VWA3B: variants seen among roughly 807,000 people sequenced by gnomAD.
VWA3B encodes the protein von Willebrand factor A domain containing 3B, also known as von Willebrand factor A domain-containing protein 3B.
A neutral mutation model predicts 158.3 loss-of-function variants in VWA3B; 138 were observed. That is an observed-to-expected ratio of 0.87 (90% CI 0.76 to 1.00). VWA3B has a LOEUF of 1.00. VWA3B is among the 50% of genes least tolerant of loss of function. The probability of loss-of-function intolerance (pLI) is 0.00; values close to 1 mark genes in which losing one functional copy is unlikely to be tolerated. For synonymous variants in VWA3B, 596 were observed against 587.3 expected, an observed-to-expected ratio of 1.01 and a Z score of -0.21; for missense variants, 1,555 against 1,565.1, an observed-to-expected ratio of 0.99 and a Z score of 0.11.
chr2:98,235,428 CTTT>C (rs769181243), intron 17 of VWA3B, among the ~76,000 whole-genome samples: 1 of 142,436 alleles, frequency 7.0e-6, no homozygotes, highest in African/African-American at 2.6e-5. Flanking sequence ...CTTTTCCTCA[CTTT>C]TTTTTTTTTT....
At chr2:98,241,548 C>T (rs1005347536) in intron 19 of VWA3B, among the ~76,000 whole-genome samples, 6 of 151,678 alleles carry the variant, frequency 4.0e-5, no homozygotes, top group Admixed American at 2.0e-4. Context: ...GTCAAGTCAA[C>T]GATGTGGGGC....
chr2:98,180,268 C>T (rs1181114327), intron 8 of VWA3B, among the ~76,000 whole-genome samples: 1 of 152,050 alleles, frequency 6.6e-6, no homozygotes, highest in Non-Finnish European at 1.5e-5. Context: ...ATTCTCGGCT[C>T]ACCGCAACCT....
chr2:98,207,369 C>A (rs1683111022), intron 12 of VWA3B: 2 of 484,716 alleles, frequency 4.1e-6, no homozygotes, highest in South Asian at 1.6e-5. Context: ...TCATGGATCC[C>A]AACATTGTTG....
At position 98,162,981 on chromosome 2, in the gene VWA3B, G is replaced by A; in HGVS notation, c.1114+5G>A. The A allele has an allele frequency of 6.2e-7, 1 of 1,613,880 alleles. No homozygotes were observed. The highest frequency in any genetic ancestry group is 8.5e-7 in the Non-Finnish European group (1 of 1,179,916). ...ACGTGGCCACTGTGGACTGCGGTTG[G>A]TGCTATTTCTGGTCACTGGTGTAAA... On this transcript the variant is annotated splice_donor_5th_base_variant and intron_variant, in intron 8 of 27. Transcript: ENST00000477737.
chr2:98,155,758 G>A (rs568237151), intron 7 of VWA3B, among the ~76,000 whole-genome samples: 21 of 152,284 alleles, frequency 1.4e-4, no homozygotes, highest in South Asian at 6.2e-4. Context: ...AATGGGTGTT[G>A]GAAGATGGTG....
At chr2:98,286,078 T>C (rs1001156507) in intron 22 of VWA3B, among the ~76,000 whole-genome samples, 3 of 152,066 alleles carry the variant, frequency 2.0e-5, no homozygotes, top group Non-Finnish European at 4.4e-5. Flanking sequence ...AGAGTGCTCA[T>C]TGCTAATACA....
intron 10 of VWA3B, 55 bp downstream of exon 10, chr2:98,188,184 T>A: frequency 6.4e-7 from 1 of 1,560,470 alleles, no homozygotes; most frequent in Non-Finnish European, 8.7e-7. Flanking sequence ...GACATTCTCA[T>A]CTGCTTGATC....
intron 6 of VWA3B, 78 bp downstream of exon 6, chr2:98,128,486 T>G: frequency 7.3e-6 from 11 of 1,496,968 alleles, no homozygotes; most frequent in Non-Finnish European, 1.0e-5. Context: ...TCTTGCATTC[T>G]TCGTGGCTTT....
intron 19 of VWA3B, among the ~76,000 whole-genome samples, chr2:98,239,773 G>A (rs1247919804): frequency 6.6e-6 from 1 of 151,432 alleles, no homozygotes; most frequent in Non-Finnish European, 1.5e-5. Context: ...AATTAGCCAG[G>A]TGTGGTGGCG....
rs1211304154 is a variant in VWA3B, at chr2:98,125,644, T to G, written c.703-2595T>G. Among the ~76,000 whole-genome samples the G allele has an allele frequency of 6.6e-6, 1 of 152,154 alleles. No homozygotes were observed. Among genetic ancestry groups the G allele is most frequent in the East Asian group, 1.9e-4 (1 of 5,198 alleles). On this transcript the variant is annotated intron_variant, in intron 5 of 27. Coordinates refer to ENST00000477737, the MANE Select transcript of VWA3B (RefSeq NM_144992.5). The surrounding 1 kb of genome is among the most constrained non-coding windows in gnomAD (Gnocchi z 4.1). ...TGGCAGACAGGAATAGGTAGCATAT[T>G]TATCCTCCTTTCTGTTTTTCTTTTC...
At chr2:98,298,420 T>C (rs1006445517) in intron 24 of VWA3B, among the ~76,000 whole-genome samples, 1 of 151,174 alleles carries the variant, frequency 6.6e-6, no homozygotes, top group Non-Finnish European at 1.5e-5. Flanking sequence ...TTCTATTCTA[T>C]TCTATTCTAT....
At chr2:98,137,466 A>G (rs1023875370) in intron 7 of VWA3B, among the ~76,000 whole-genome samples, 3 of 152,356 alleles carry the variant, frequency 2.0e-5, no homozygotes, top group Admixed American at 2.0e-4. Context: ...AGTTAATGCC[A>G]CAAAAATCCA....
intron 21 of VWA3B, among the ~76,000 whole-genome samples, chr2:98,266,073 C>T (rs1261111261): frequency 6.7e-6 from 1 of 149,992 alleles, no homozygotes; most frequent in Non-Finnish European, 1.5e-5. Context: ...TCAATTTTTT[C>T]TTTTGTTGCC....
intron 22 of VWA3B, among the ~76,000 whole-genome samples, chr2:98,279,622 G>T (rs1337400116): frequency 6.6e-6 from 1 of 152,182 alleles, no homozygotes; most frequent in Non-Finnish European, 1.5e-5. Context: ...GCAGTCCGTG[G>T]GATATTGCAG....
Position 98,121,458 on chromosome 2 carries a change from T to A in VWA3B, c.702T>A (p.Thr234=). 6.2e-7 allele frequency: 1 copy of A among 1,612,886 alleles called. No individual in the cohort carries two copies. Among genetic ancestry groups the A allele is most frequent in the Non-Finnish European group, 8.5e-7 (1 of 1,179,338 alleles). Residue 234 remains threonine (T), a splice_region_variant and synonymous_variant, in exon 5 of 28, where the codon ACT becomes ACA. Transcript: ENST00000477737. The part of the protein sequence containing the change: ...DALLEAGRDK[T]IESIYYFVVG... ...TGCTGGAAGCCGGGAGAGACAAGAC[T>A]GTAAGTGCGTGTTCATGGCTGGCCC...
intron 9 of VWA3B, among the ~76,000 whole-genome samples, chr2:98,184,230 G>A (rs1330612338): frequency 7.2e-5 from 11 of 152,186 alleles, no homozygotes; most frequent in Admixed American, 7.2e-4. Context: ...AGGCACACTC[G>A]GGAAATGCCC....
At chr2:98,247,870 T>A (rs1193888390) in intron 19 of VWA3B, among the ~76,000 whole-genome samples, 1 of 152,120 alleles carries the variant, frequency 6.6e-6, no homozygotes, top group Non-Finnish European at 1.5e-5. Context: ...TCTAACCATC[T>A]TTCTATTCTA....
chr2:98,118,489 G>T (rs1281932928), intron 3 of VWA3B, among the ~76,000 whole-genome samples: 2 of 152,124 alleles, frequency 1.3e-5, no homozygotes, highest in South Asian at 2.1e-4. Context: ...GAAGGTGACC[G>T]CATCCACCTT....
In VWA3B at chr2:98,152,821, C is replaced by T. The variant is rs977939889; in HGVS notation, c.989-10030C>T. Among the ~76,000 whole-genome samples, 5 of 152,144 alleles carry T rather than the reference C, an allele frequency of 3.3e-5. No individual in the cohort carries two copies. In the South Asian group the frequency reaches 6.2e-4, roughly 19 times the overall value. Reference sequence around the variant, plus strand: ...CTCAGACTTGGTGGTGGGATGAGCACCCAGGCTGAAAGCCATGGTCAGAAC... The same window carrying T: ...CTCAGACTTGGTGGTGGGATGAGCATCCAGGCTGAAAGCCATGGTCAGAAC... On this transcript the variant is annotated intron_variant, in intron 7 of 27. Transcript: ENST00000477737.
Sources: allele counts gnomAD v4.1 joint callset (sites outside exome capture counted in the v4.1 genomes callset), GRCh38; gene constraint gnomAD v4.1.1; non-coding constraint Gnocchi (gnomAD v3.1); transcripts MANE v1.5; gene names NCBI Gene and HGNC (gene_info 2026-07-23, HGNC 2026-07-21).